The following PRR16 variants were observed in gnomAD, a reference collection of about 807,000 sequenced individuals.
The protein encoded by PRR16 is proline rich 16.
In PRR16, 6 loss-of-function variants were observed where a neutral mutation model predicts 18.2. The observed-to-expected ratio is 0.33, with a 90% CI of 0.18 to 0.65. The LOEUF (loss-of-function observed/expected upper bound fraction) is 0.65. Among genes scored for constraint, PRR16 ranks in the 30% least tolerant of loss-of-function variants. PRR16 has a pLI of 0.74. For synonymous variants in PRR16, 151 were observed against 147.8 expected, an observed-to-expected ratio of 1.02 and a Z score of -0.16; for missense variants, 412 against 376.6, an observed-to-expected ratio of 1.09 and a Z score of -0.78.
At chr5:120,595,601 A>G (rs1315944123) in intron 1 of PRR16, among the ~76,000 whole-genome samples, 1 of 151,928 alleles carries the variant, frequency 6.6e-6, no homozygotes, top group African/African-American at 2.4e-5. Flanking sequence ...GTACCTGAGT[A>G]ACAAAATTGT....
intron 1 of PRR16, among the ~76,000 whole-genome samples, chr5:120,489,589 G>A (rs923084620): frequency 2.6e-5 from 4 of 152,052 alleles, no homozygotes; most frequent in African/African-American, 4.8e-5. Context: ...ACACTGATGG[G>A]TCTTGACTCT....
At chr5:120,598,653 C>A (rs1442668438) in intron 1 of PRR16, among the ~76,000 whole-genome samples, 1 of 151,570 alleles carries the variant, frequency 6.6e-6, no homozygotes, top group Non-Finnish European at 1.5e-5. Flanking sequence ...ATGTTTAATT[C>A]CCGTTTATAA....
the PRR16 span, among the ~76,000 whole-genome samples, chr5:120,738,980 C>T: frequency 6.6e-6 from 1 of 152,130 alleles, no homozygotes; most frequent in Non-Finnish European, 1.5e-5. Flanking sequence ...CTATCATTTA[C>T]ATACTACATT....
the PRR16 span, chr5:120,781,212 T>C: frequency 1.3e-5 from 2 of 152,136 alleles, no homozygotes; most frequent in African/African-American, 4.8e-5. Context: ...CTATCCGCTT[T>C]CTCAGATTCA....
chr5:120,533,857 A>G (rs578058323), intron 1 of PRR16, among the ~76,000 whole-genome samples: 1 of 152,220 alleles, frequency 6.6e-6, no homozygotes, highest in Non-Finnish European at 1.5e-5. Context: ...TTTAAAGATC[A>G]TTCTAATATT....
Position 120,664,391 on chromosome 5 carries a change from A to G in PRR16, c.160-21563A>G, listed in dbSNP as rs146288850. ...TACTCGTGCTGCAACCCTGGGAAGCATGGCCATATGAGCAGATCTTGTTAG... is the reference window on the plus strand; with the variant it reads ...TACTCGTGCTGCAACCCTGGGAAGCGTGGCCATATGAGCAGATCTTGTTAG... On this transcript the variant is annotated intron_variant, in intron 1 of 1. Transcript: ENST00000407149. 2.7e-3 allele frequency among the ~76,000 whole-genome samples: 411 copies of G among 152,164 alleles called. 3 individuals are homozygous for G. Among genetic ancestry groups the G allele is most frequent in the African/African-American group, 9.2e-3 (384 of 41,526 alleles).
chr5:120,548,877 C>T (rs555325090), intron 1 of PRR16, among the ~76,000 whole-genome samples: 1 of 148,260 alleles, frequency 6.7e-6, no homozygotes, highest in Non-Finnish European at 1.5e-5. Context: ...ATGCATCGAA[C>T]TGAGTTTAAA....
At chr5:120,748,715 A>G in the PRR16 span, among the ~76,000 whole-genome samples, 7 of 152,118 alleles carry the variant, frequency 4.6e-5, no homozygotes, top group African/African-American at 1.7e-4. Context: ...CATGTCAGGC[A>G]GATAGATAAA....
intron 1 of PRR16, among the ~76,000 whole-genome samples, chr5:120,615,438 A>G (rs1245167150): frequency 1.5e-5 from 2 of 136,866 alleles, no homozygotes; most frequent in East Asian, 4.3e-4. Flanking sequence ...GGAGGTGGAT[A>G]CAGAGATATG....
chr5:120,509,465 T>C (rs10213989), intron 1 of PRR16, among the ~76,000 whole-genome samples: 45,046 of 151,784 alleles, frequency 0.3, 7,788 homozygotes, highest in African/African-American at 0.48. Flanking sequence ...GTTGCTGAGG[T>C]TCTGTTTTTC....
chr5:120,730,785 A>T, the PRR16 span, among the ~76,000 whole-genome samples: 4 of 152,186 alleles, frequency 2.6e-5, no homozygotes, highest in African/African-American at 9.6e-5. Flanking sequence ...AGTCAAAATT[A>T]TGCTTCATGC....
intron 1 of PRR16, among the ~76,000 whole-genome samples, chr5:120,615,086 G>A (rs1290372400): frequency 6.6e-6 from 1 of 151,736 alleles, no homozygotes; most frequent in Non-Finnish European, 1.5e-5. Context: ...AAGCACTTAT[G>A]TGCTTTTAAA....
At chr5:120,468,158 C>T (rs1749162561) in intron 1 of PRR16, among the ~76,000 whole-genome samples, 1 of 151,848 alleles carries the variant, frequency 6.6e-6, no homozygotes, top group South Asian at 2.1e-4. Flanking sequence ...AGTAGTATGG[C>T]AAGTCTTTGA....
chr5:120,517,581 T>A (rs1580675416), intron 1 of PRR16, among the ~76,000 whole-genome samples: 1 of 152,294 alleles, frequency 6.6e-6, no homozygotes, highest in East Asian at 1.9e-4. Flanking sequence ...TTACAAAATC[T>A]CCAGGGTTTA....
intron 1 of PRR16, among the ~76,000 whole-genome samples, chr5:120,667,294 G>A (rs1216001926): frequency 2.0e-5 from 3 of 151,412 alleles, no homozygotes; most frequent in East Asian, 3.9e-4. Context: ...TGGGATCAGT[G>A]GTGATATCCC....
At chr5:120,576,208 T>C (rs952450181) in intron 1 of PRR16, among the ~76,000 whole-genome samples, 3 of 151,540 alleles carry the variant, frequency 2.0e-5, no homozygotes, top group Non-Finnish European at 4.4e-5. Context: ...ATCATCGGAG[T>C]GAAGAGATAA....
the PRR16 span, among the ~76,000 whole-genome samples, chr5:120,724,737 C>A: frequency 6.6e-6 from 1 of 151,878 alleles, no homozygotes. Context: ...CTTTTAATAT[C>A]CCGGACTTTC....
At chr5:120,753,913 T>C in the PRR16 span, among the ~76,000 whole-genome samples, 137 of 90,934 alleles carry the variant, frequency 1.5e-3, 2 homozygotes, top group Middle Eastern at 5.5e-3. Flanking sequence ...TATAAATCTC[T>C]ATAAATGTAT....
intron 1 of PRR16, among the ~76,000 whole-genome samples, chr5:120,523,998 C>T (rs1159421388): frequency 2.0e-5 from 3 of 152,122 alleles, no homozygotes; most frequent in Non-Finnish European, 4.4e-5. Context: ...TTGAACTTGG[C>T]TCTGCCTTTT....
Sources: allele counts gnomAD v4.1 joint callset (sites outside exome capture counted in the v4.1 genomes callset), GRCh38; gene constraint gnomAD v4.1.1; transcripts MANE v1.5; gene names NCBI Gene and HGNC (gene_info 2026-07-23, HGNC 2026-07-21).